PRX: variants seen among roughly 807,000 people sequenced by gnomAD.
PRX encodes the protein periaxin.
PRX carries 24 observed loss-of-function variants against 29.6 expected under a neutral mutation model. The ratio of observed to expected loss-of-function variants is 0.81; its 90% CI spans 0.59 to 1.14. The LOEUF (loss-of-function observed/expected upper bound fraction) is 1.14. Ranked by LOEUF, PRX falls within the 50% of genes most tolerant of loss-of-function variation. The probability of loss-of-function intolerance (pLI) is 0.00; values close to 1 mark genes in which losing one functional copy is unlikely to be tolerated. For missense variants in PRX, 1,838 were observed against 1,926.4 expected (o/e 0.95, Z 0.86); for synonymous variants, 772 against 831.7 (o/e 0.93, Z 1.24).
At chr19:40,399,995 T>G (rs1198436018) in intron 5 of PRX, among the ~76,000 whole-genome samples, 1 of 151,596 alleles carries the variant, frequency 6.6e-6, no homozygotes, top group Non-Finnish European at 1.5e-5. Flanking sequence ...TTTTCTTTTC[T>G]TTTTTAGATG....
Position 40,408,120 on chromosome 19 carries a change from G to T in PRX, c.-100+38C>A, listed in dbSNP as rs11879375. 13,485 of 714,750 alleles carry T rather than the reference G, an allele frequency of 0.019. 1,222 individuals are homozygous for T. The African/African-American group carries it at 0.2, about 10-fold the overall frequency. The allele number at this position is 714,750 out of a possible 1,614,324, so 44.3% of individuals were successfully genotyped here. On this transcript the variant is annotated intron_variant, in intron 3 of 6. Coordinates refer to ENST00000324001, the MANE Select transcript of PRX (RefSeq NM_181882.3). The stretch of plus-strand genomic sequence containing the variant: ...CAGGGAGAAAGCAGGGTGGGTATTA[G>T]AAGGGGAGAAGGGCCCCCACCCCAG...
intron 5 of PRX, among the ~76,000 whole-genome samples, chr19:40,399,850 C>CCTTTCTTTTTCTTT (rs2079475899): frequency 8.4e-6 from 1 of 119,624 alleles, no homozygotes; most frequent in Non-Finnish European, 1.8e-5. Flanking sequence ...AGCTTTCTTT[C>CCTTTCTTTTTCTTT]CTTTCTTTCT....
At chr19:40,404,744 AT>A (rs542849073) in intron 4 of PRX, among the ~76,000 whole-genome samples, 5 of 149,184 alleles carry the variant, frequency 3.4e-5, no homozygotes, top group African/African-American at 2.5e-5. Flanking sequence ...CTAATTTTTA[AT>A]TTTTTTTTTA....
chr19:40,409,351 T>C (rs894271018), intron 1 of PRX, among the ~76,000 whole-genome samples: 7 of 152,098 alleles, frequency 4.6e-5, no homozygotes, highest in African/African-American at 1.7e-4. Context: ...CTATAAAATG[T>C]GGAGAATAAG....
intron 5 of PRX, among the ~76,000 whole-genome samples, chr19:40,399,669 G>T (rs766355354): frequency 4.6e-5 from 7 of 152,172 alleles, no homozygotes; most frequent in Non-Finnish European, 8.8e-5. Flanking sequence ...GTCTCTGGGA[G>T]TTCCTTGTCA....
chr19:40,395,410 C>A lies in PRX; in HGVS notation c.2942G>T (p.Gly981Val), dbSNP rs1568704659. The A allele has an allele frequency of 5.0e-6, 8 of 1,614,054 alleles. No homozygotes were observed. The highest frequency in any genetic ancestry group is 6.8e-6 in the Non-Finnish European group (8 of 1,180,016). Residue 981 changes from glycine to valine, a missense_variant, in exon 7 of 7, where the codon GGG becomes GTG. Gly to Val is a moderately radical substitution (Grantham distance 109). Around this residue, in one of 3 missense-constraint regions of PRX, gnomAD observed 1,143 missense variants for 1,193.0 expected, o/e 0.96. Coordinates refer to ENST00000324001, the MANE Select transcript of PRX (RefSeq NM_181882.3). ...VGAEAEAKGA[G>V]EAGLLPALDL... is the part of the protein sequence containing the mutation. ...GAGGGCAGGCAGCAGGCCTGCCTCC[C>A]CAGCCCCTTTGGCCTCAGCCTCAGC...
intron 5 of PRX, among the ~76,000 whole-genome samples, chr19:40,399,234 C>T (rs1461749320): frequency 6.6e-6 from 1 of 152,188 alleles, no homozygotes; most frequent in East Asian, 1.9e-4. Context: ...AGGGCAATCT[C>T]TCCACCGCCT....
chr19:40,403,064 G>A (rs1280460350), intron 5 of PRX, among the ~76,000 whole-genome samples: 1 of 152,084 alleles, frequency 6.6e-6, no homozygotes, highest in East Asian at 1.9e-4. Context: ...CAGCTACTCA[G>A]GAGGCTGAGG....
In PRX at chr19:40,405,626, C is replaced by CTT. The variant is rs1167458782; in HGVS notation, c.28-1766_28-1765dup. ...GCTCAGCATTTTATGTGCAGAATCT[C>CTT]TTTTTTTTTTTTTTTTTTTTTTTTT... On this transcript the variant is annotated intron_variant, in intron 4 of 6. Transcript: ENST00000324001. Among the ~76,000 whole-genome samples, 36 of 74,438 alleles carry CTT rather than the reference C, an allele frequency of 4.8e-4. 2 individuals are homozygous for CTT. Among genetic ancestry groups the CTT allele is most frequent in the Non-Finnish European group, 7.7e-4 (31 of 40,336 alleles). 48.8% of individuals were successfully genotyped at this position (74,438 alleles called of 152,430 possible).
rs77976359 is a variant in PRX at position 40,408,591 on chromosome 19, C to T, written c.-242-208G>A. On this transcript the variant is annotated intron_variant, in intron 1 of 6. Coordinates refer to ENST00000324001, the MANE Select transcript of PRX (RefSeq NM_181882.3). Reference sequence around the variant, plus strand: ...GAGGCCTGTCTGGCAGCAGAGCCCCCGTGCCAAAGATCTTGGCCAACTGAG... The same window carrying T: ...GAGGCCTGTCTGGCAGCAGAGCCCCTGTGCCAAAGATCTTGGCCAACTGAG... 0.04 allele frequency among the ~76,000 whole-genome samples: 6,072 copies of T among 152,206 alleles called. 424 individuals carry two copies. The highest frequency in any genetic ancestry group is 0.14 in the African/African-American group (5,787 of 41,506).
chr19:40,403,869 A>T lies in PRX; in HGVS notation c.28-7T>A. On this transcript the variant is annotated splice_region_variant and splice_polypyrimidine_tract_variant and intron_variant, in intron 4 of 6. Coordinates refer to ENST00000324001, the MANE Select transcript of PRX (RefSeq NM_181882.3). ...ACTCCGCCCGCCTCAGCTCCTGCAG[A>T]GGGCGGCGAGGTGTCGCGTTGGGGC... is the stretch of plus-strand genomic sequence containing the variant. The T allele has an allele frequency of 6.2e-7, 1 of 1,606,708 alleles. No homozygotes were observed.
chr19:40,395,959 C>T lies in PRX; in HGVS notation c.2393G>A (p.Gly798Asp). Residue 798 changes from glycine (G) to aspartate (D), a missense_variant, in exon 7 of 7, where the codon GGC becomes GAC. Gly to Asp is a moderately conservative substitution (Grantham distance 94). Around this residue, in one of 3 missense-constraint regions of PRX, gnomAD observed 1,143 missense variants for 1,193.0 expected, o/e 0.96. Transcript: ENST00000324001. Reference sequence around the variant, plus strand: ...CATGGTCATCTTGGGCATCTTGAAGCCAAATTCCATCCCTTCTGCCTGTTC... The same window carrying T: ...CATGGTCATCTTGGGCATCTTGAAGTCAAATTCCATCCCTTCTGCCTGTTC... ...KAEQAEGMEF[G>D]FKMPKMTMPK... 1 of 1,614,164 alleles carries T rather than the reference C, an allele frequency of 6.2e-7. No homozygotes were observed.
At chr19:40,399,862 T>C (rs1397930166) in intron 5 of PRX, among the ~76,000 whole-genome samples, 1 of 62,814 alleles carries the variant, frequency 1.6e-5, no homozygotes, top group Non-Finnish European at 3.3e-5. Flanking sequence ...TTTCTTTCTT[T>C]CTTTCTTTCT....
chr19:40,397,643 C>T lies in PRX; in HGVS notation c.709G>A (p.Val237Ile), dbSNP rs1457429641. The T allele has an allele frequency of 1.3e-6, 2 of 1,546,388 alleles. No individual in the cohort carries two copies. The highest frequency in any genetic ancestry group is 2.4e-5 in the South Asian group (2 of 84,664). ...TCCGCCCCTGGCAGCCGCGGCCCAA[C>T]CAGCTCCACCTGAGGGGCTGTGAAA... Reference protein sequence around the residue: ...ARFTAPQVELVGPRLPGAEVG... With the variant: ...ARFTAPQVELIGPRLPGAEVG... The change falls in exon 7 of 7, where the codon GTT (valine) becomes ATT (isoleucine). Residue 237 changes from valine to isoleucine, a missense_variant. Around this residue, in one of 3 missense-constraint regions of PRX, gnomAD observed 666 missense variants for 665.0 expected, o/e 1.00. Transcript: ENST00000324001.
rs373050557 is a variant in PRX at position 40,400,690 on chromosome 19, C to T, written c.185-1874G>A. On this transcript the variant is annotated intron_variant, in intron 5 of 6. Coordinates refer to ENST00000324001, the MANE Select transcript of PRX (RefSeq NM_181882.3). ...ACAAATCACTGCAGCCTTGAACTTC[C>T]AGGCTCCAGCGATCCTCCTGCAAAT... Among the ~76,000 whole-genome samples, 170 of 151,680 alleles carry T rather than the reference C, an allele frequency of 1.1e-3. 1 individual carries two copies. Among genetic ancestry groups the T allele is most frequent in the African/African-American group, 3.8e-3 (158 of 41,276 alleles).
At chr19:40,405,026 C>T (rs901246727) in intron 4 of PRX, among the ~76,000 whole-genome samples, 1 of 152,148 alleles carries the variant, frequency 6.6e-6, no homozygotes, top group African/African-American at 2.4e-5. Flanking sequence ...TGGGATTTGC[C>T]TCCCTGCAGG....
In PRX at chr19:40,395,295, G is replaced by C. The variant is rs1330286599; in HGVS notation, c.3057C>G (p.Pro1019=). The change falls in exon 7 of 7, where the codon CCC becomes CCG. Residue 1019 remains proline, a synonymous_variant. Transcript: ENST00000324001. ...VAGADLKFKG[P]RFALPKFGVR... is the part of the protein sequence containing the mutation. ...CCCCAAACTTGGGGAGAGCAAACCT[G>C]GGCCCCTTGAACTTGAGGTCGGCCC... 8.1e-6 allele frequency: 13 copies of C among 1,613,620 alleles called. No individual in the cohort carries two copies. Among genetic ancestry groups the C allele is most frequent in the Admixed American group, 1.7e-5 (1 of 60,010 alleles).
In PRX at chr19:40,398,944, C is replaced by A; in HGVS notation, c.185-128G>T. 6 of 1,524,372 alleles carry A rather than the reference C, an allele frequency of 3.9e-6. No individual in the cohort carries two copies. In the South Asian group the frequency reaches 6.1e-5, roughly 16 times the overall value. 94.4% of individuals were successfully genotyped at this position (1,524,372 alleles called of 1,614,324 possible). A position where few individuals can be genotyped will look rare whatever the true frequency, so the allele number is the denominator to read the frequency against. On this transcript the variant is annotated intron_variant, in intron 5 of 6. Coordinates refer to ENST00000324001, the MANE Select transcript of PRX (RefSeq NM_181882.3). The surrounding 1 kb of genome is among the most constrained non-coding windows in gnomAD (Gnocchi z 6.3). Reference sequence around the variant, plus strand: ...AAATTTTAGTTTCTCCAATCCCCAGCGCAGGATTAAGTCGCAGTTACGCTA... The same window carrying A: ...AAATTTTAGTTTCTCCAATCCCCAGAGCAGGATTAAGTCGCAGTTACGCTA...
Position 40,407,947 on chromosome 19 carries a change from G to C in PRX, c.-15C>G, listed in dbSNP as rs964332106. ...CTGGCCTCCATGGCGTTGCTGGGAGGCACCTGCACCCCAGGCTCCTGTGTC... is the reference window on the plus strand; with the variant it reads ...CTGGCCTCCATGGCGTTGCTGGGAGCCACCTGCACCCCAGGCTCCTGTGTC... On this transcript the variant is annotated 5_prime_UTR_variant, in exon 4 of 7. Transcript: ENST00000324001. The C allele has an allele frequency of 1.9e-6, 3 of 1,613,666 alleles. No homozygotes were observed. Among genetic ancestry groups the C allele is most frequent in the Non-Finnish European group, 2.5e-6 (3 of 1,180,036 alleles).
Sources: gnomAD v4.1 joint callset for allele counts (sites outside exome capture counted in the v4.1 genomes callset) on GRCh38, gnomAD v4.1.1 for gene constraint, gnomAD v4.1.1 regional missense constraint, Gnocchi (gnomAD v3.1) non-coding constraint, MANE v1.5 for transcripts, NCBI Gene and HGNC (gene_info 2026-07-23, HGNC 2026-07-21) for gene names.